HTR3E: variants seen among roughly 807,000 people sequenced by gnomAD.
HTR3E encodes the protein 5-hydroxytryptamine receptor 3E.
A neutral mutation model predicts 38.0 loss-of-function variants in HTR3E; 38 were observed. The ratio of observed to expected loss-of-function variants is 1.00; its 90% CI spans 0.77 to 1.31. The LOEUF is 1.31. Ranked by LOEUF, HTR3E falls within the 50% of genes most tolerant of loss-of-function variation. HTR3E has a pLI of 0.00. For synonymous variants in HTR3E, 210 were observed against 232.9 expected, an observed-to-expected ratio of 0.90 and a Z score of 0.89; for missense variants, 547 against 585.2, an observed-to-expected ratio of 0.93 and a Z score of 0.67.
intron 3 of HTR3E, among the ~76,000 whole-genome samples, chr3:184,102,038 T>G (rs1368541087): frequency 6.6e-6 from 1 of 152,074 alleles, no homozygotes; most frequent in Non-Finnish European, 1.5e-5. Context: ...GGAGTAAATA[T>G]ATAGTGATTT....
At chr3:184,100,261 A>G in intron 1 of HTR3E, 2 of 1,360,344 alleles carry the variant, frequency 1.5e-6, no homozygotes, top group South Asian at 1.4e-5. Context: ...TAGCTCGTTT[A>G]TTACATGAGG....
In HTR3E at chr3:184,097,497, G is replaced by C. The variant is rs1192819168; in HGVS notation, c.-33G>C. 6.6e-7 allele frequency: 1 copy of C among 1,508,886 alleles called. No individual in the cohort carries two copies. Among genetic ancestry groups the C allele is most frequent in the East Asian group, 2.5e-5 (1 of 40,734 alleles). The allele number at this position is 1,508,886 out of a possible 1,614,324, so 93.5% of individuals were successfully genotyped here. ...TTAATCTGGGCATTCCTGGGTCCCA[G>C]TACATGTTCAGAGAAGAACTTAGAC... On this transcript the variant is annotated 5_prime_UTR_variant, in exon 1 of 9. Transcript: ENST00000415389.
At chr3:184,105,558 T>C (rs1712374681) in intron 6 of HTR3E, 131 bp downstream of exon 6, 2 of 1,122,696 alleles carry the variant, frequency 1.8e-6, no homozygotes, top group Admixed American at 5.5e-5. Context: ...CCCAGCCTCA[T>C]TCTTCATCCT....
chr3:184,101,462 G>A (rs1712040434), intron 2 of HTR3E, 23 bp from the exon 3 acceptor site: 1 of 1,611,504 alleles, frequency 6.2e-7, no homozygotes, highest in Non-Finnish European at 8.5e-7. Context: ...CAACATGATG[G>A]AAATAGGAAA....
chr3:184,105,397 A>G lies in HTR3E; in HGVS notation c.690A>G (p.Gly230=), dbSNP rs1416773828. 2 of 1,613,490 alleles carry G rather than the reference A, an allele frequency of 1.2e-6. No homozygotes were observed. Among genetic ancestry groups the G allele is most frequent in the African/African-American group, 2.7e-5 (2 of 74,874 alleles). ...LSKATAKLSR[G]GNLYDQIVFY... is the part of the protein sequence containing the mutation. ...AGGCCACCGCAAAGTTGTCCAGGGG[A>G]GGCAACCTGTATGATCAGATCGTGT... The change falls in exon 6 of 9, where the codon GGA becomes GGG. Residue 230 remains glycine, a synonymous_variant. Coordinates refer to ENST00000415389, the MANE Select transcript of HTR3E (RefSeq NM_001256613.2).
chr3:184,105,940 T>C lies in HTR3E; in HGVS notation c.896T>C (p.Leu299Ser). ...YNVFLLMMSD[L>S]LPTSGTPLIG... ...GTCTTCCTGCTCATGATGAGTGACT[T>C]GCTCCCCACCAGTGGCACCCCCCTC... The change falls in exon 7 of 9, where the codon TTG becomes TCG. Residue 299 changes from leucine to serine, a missense_variant. Physicochemically the swap from Leu to Ser is moderately radical, Grantham distance 145. Transcript: ENST00000415389. The C allele has an allele frequency of 6.2e-7, 1 of 1,614,184 alleles. No homozygotes were observed. Among genetic ancestry groups the C allele is most frequent in the South Asian group, 1.1e-5 (1 of 91,076 alleles).
rs1221786547 is a variant in HTR3E, at chr3:184,106,260, A to G, written c.1058A>G (p.His353Arg). The change falls in exon 8 of 9, where the codon CAC becomes CGC. Residue 353 changes from histidine (H) to arginine (R), a missense_variant. His to Arg is a conservative substitution (Grantham distance 29). Coordinates refer to ENST00000415389, the MANE Select transcript of HTR3E (RefSeq NM_001256613.2). This position sits in a 1 kb window ranked among gnomAD's most constrained non-coding sequence, Gnocchi z 4.1. ...CGGTGGCTCCACTCCCTGCTGCTCC[A>G]CTGCAACAGCCCGGGGAGATGCTGT... The part of the protein sequence containing the change: ...LPRWLHSLLL[H>R]CNSPGRCCPT... The G allele has an allele frequency of 6.2e-7, 1 of 1,612,416 alleles. No homozygotes were observed. The highest frequency in any genetic ancestry group is 2.2e-5 in the East Asian group (1 of 44,844).
chr3:184,100,161 C>T, intron 1 of HTR3E: 1 of 1,409,176 alleles, frequency 7.1e-7, no homozygotes, highest in Non-Finnish European at 9.2e-7. Context: ...ACAGCAGCAG[C>T]AGACAAACCT....
At chr3:184,103,026 C>T (rs371628547) in intron 3 of HTR3E, among the ~76,000 whole-genome samples, 21 of 151,648 alleles carry the variant, frequency 1.4e-4, no homozygotes, top group African/African-American at 3.6e-4. Flanking sequence ...GTAGAAATTA[C>T]GAAGTAATTA....
At chr3:184,099,699 C>T (rs1369367344) in intron 1 of HTR3E, among the ~76,000 whole-genome samples, 2 of 109,166 alleles carry the variant, frequency 1.8e-5, no homozygotes, top group African/African-American at 8.4e-5. Flanking sequence ...CCGGCCTGGG[C>T]GACAGAGCGA....
intron 3 of HTR3E, among the ~76,000 whole-genome samples, chr3:184,103,490 G>A (rs1394874769): frequency 3.9e-5 from 6 of 151,940 alleles, no homozygotes; most frequent in Admixed American, 6.6e-5. Flanking sequence ...TTAGCCAGGC[G>A]TGGTGGCAGG....
intron 3 of HTR3E, among the ~76,000 whole-genome samples, chr3:184,101,938 C>T (rs971562491): frequency 6.6e-6 from 1 of 152,178 alleles, no homozygotes; most frequent in Non-Finnish European, 1.5e-5. Context: ...TGCAGTGAGC[C>T]GAGATTGCGC....
chr3:184,104,542 A>T (rs1266758111), intron 4 of HTR3E, among the ~76,000 whole-genome samples: 1 of 53,712 alleles, frequency 1.9e-5, no homozygotes, highest in Non-Finnish European at 4.5e-5. Context: ...CTCATCTCTT[A>T]AAAAAAAAAA....
rs1377164210 is a variant in HTR3E at position 184,104,305 on chromosome 3, G to T, written c.389+14G>T. The T allele has an allele frequency of 8.7e-6, 14 of 1,600,178 alleles. No homozygotes were observed. The highest frequency in any genetic ancestry group is 3.4e-5 in the South Asian group (3 of 88,824). On this transcript the variant is annotated intron_variant, in intron 4 of 8. Coordinates refer to ENST00000415389, the MANE Select transcript of HTR3E (RefSeq NM_001256613.2). ...CATCATTGAACTGTGCGTATCAAGG[G>T]CTGGTCAGAGGGAAGTCCCATCTCC... is the stretch of plus-strand genomic sequence containing the variant.
rs1560091856 is a variant in HTR3E at position 184,097,574 on chromosome 3, CCTT to C, written c.48_50del (p.Leu17del). The C allele has an allele frequency of 5.2e-6, 8 of 1,535,848 alleles. No homozygotes were observed. Among genetic ancestry groups the C allele is most frequent in the Non-Finnish European group, 7.0e-6 (8 of 1,146,782 alleles). On this transcript the variant is annotated inframe_deletion, in exon 1 of 9. Transcript: ENST00000415389. ...ACAGGAAAAGATTTTCCTTCTACCT[CCTT>C]CTCGGTTTTCTGCTTCAAGGTAAGA... is the stretch of plus-strand genomic sequence containing the variant.
intron 1 of HTR3E, among the ~76,000 whole-genome samples, chr3:184,099,738 A>ACAAAAAAAAAC (rs1458362015): frequency 4.1e-5 from 6 of 147,272 alleles, no homozygotes; most frequent in African/African-American, 1.6e-4. Context: ...AAAAAAAAAA[A>ACAAAAAAAAAC]AAGAAAGAAA....
At position 184,106,179 on chromosome 3, in the gene HTR3E, C is replaced by A. The variant is rs747156614; in HGVS notation, c.977C>A (p.Thr326Asn). The A allele has an allele frequency of 2.9e-5, 47 of 1,612,786 alleles. No individual in the cohort carries two copies. Among genetic ancestry groups the A allele is most frequent in the Middle Eastern group, 2.0e-4 (1 of 5,116 alleles). The change falls in exon 8 of 9, where the codon ACC (threonine) becomes AAC (asparagine). Residue 326 changes from threonine (T) to asparagine (N), a missense_variant. By Grantham distance (65) the Thr-to-Asn change is moderately conservative. Transcript: ENST00000415389. This position sits in a 1 kb window ranked among gnomAD's most constrained non-coding sequence, Gnocchi z 4.1. ...CTGATGGTGGGCAGCCTGCTGGAGA[C>A]CATCTTCATCACCCACCTGCTGCAC... ...LSLMVGSLLE[T>N]IFITHLLHVA...
Position 184,105,903 on chromosome 3 carries a change from C to A in HTR3E, c.859C>A (p.Leu287Met). The A allele has an allele frequency of 6.2e-7, 1 of 1,614,178 alleles. No homozygotes were observed. The highest frequency in any genetic ancestry group is 1.7e-5 in the Admixed American group (1 of 60,008). The change falls in exon 7 of 9, where the codon CTG (leucine) becomes ATG (methionine). Residue 287 changes from leucine to methionine, a missense_variant. Physicochemically the swap from Leu to Met is conservative, Grantham distance 15 (BLOSUM62 2). Coordinates refer to ENST00000415389, the MANE Select transcript of HTR3E (RefSeq NM_001256613.2). The stretch of plus-strand genomic sequence containing the variant: ...TGTCCCATTCAAGATAACGCTCCTG[C>A]TGGGCTACAACGTCTTCCTGCTCAT... Reference protein sequence around the residue: ...NRVPFKITLLLGYNVFLLMMS... With the variant: ...NRVPFKITLLMGYNVFLLMMS...
chr3:184,097,447 G>C lies in HTR3E; in HGVS notation c.-83G>C. ...CCAATGCTATTAGTATTCAAAGTCA[G>C]ACTCTAGGTGTGGCCTGTGCTGCTT... On this transcript the variant is annotated 5_prime_UTR_variant, in exon 1 of 9. Transcript: ENST00000415389. The C allele has an allele frequency of 2.1e-6, 2 of 930,292 alleles. No individual in the cohort carries two copies. 57.6% of individuals were successfully genotyped at this position (930,292 alleles called of 1,614,324 possible).
Sources: allele counts gnomAD v4.1 joint callset (sites outside exome capture counted in the v4.1 genomes callset), GRCh38; gene constraint gnomAD v4.1.1; non-coding constraint Gnocchi (gnomAD v3.1); transcripts MANE v1.5; gene names NCBI Gene and HGNC (gene_info 2026-07-23, HGNC 2026-07-21).